Variants in ADNP observed in about 807,000 individuals in gnomAD.
ADNP encodes activity-dependent neuroprotector homeobox protein.
Under a neutral mutation model 84.9 loss-of-function variants are expected in ADNP, and 4 were observed. The ratio of observed to expected loss-of-function variants is 0.05; its 90% CI spans 0.02 to 0.11. ADNP has a LOEUF of 0.11. ADNP is among the 10% of genes least tolerant of loss of function. ADNP has a pLI of 1.00. For missense variants in ADNP, 1,132 were observed against 1,326.0 expected (o/e 0.85, Z 2.27); for synonymous variants, 554 against 468.1 (o/e 1.18, Z -2.37).
In ADNP at chr20:50,906,572, C is replaced by T. The variant is rs182427182; in HGVS notation, c.-89-1723G>A. Among the ~76,000 whole-genome samples, 25 of 152,322 alleles carry T rather than the reference C, an allele frequency of 1.6e-4. No homozygotes were observed. The East Asian group carries it at 4.6e-3, about 28-fold the overall frequency. ...ACATAAAGATTTGGAAATGCAGCCACCACTGGGGTCATTAGTCTATAGAAA... is the reference window on the plus strand; with the variant it reads ...ACATAAAGATTTGGAAATGCAGCCATCACTGGGGTCATTAGTCTATAGAAA... On this transcript the variant is annotated intron_variant, in intron 2 of 5. Transcript: ENST00000621696.
rs1322996778 is a variant in ADNP at position 50,919,289 on chromosome 20, GTGTATATA to G, written c.-90+9354_-90+9361del. 9.3e-3 allele frequency among the ~76,000 whole-genome samples: 600 copies of G among 64,688 alleles called. 25 individuals are homozygous for G. Among genetic ancestry groups the G allele is most frequent in the African/African-American group, 0.031 (566 of 18,148 alleles). 42.4% of individuals were successfully genotyped at this position (64,688 alleles called of 152,430 possible). A position where few individuals can be genotyped will look rare whatever the true frequency, so the allele number is the denominator to read the frequency against. On this transcript the variant is annotated intron_variant, in intron 2 of 5. Coordinates refer to ENST00000621696, the MANE Select transcript of ADNP (RefSeq NM_001282531.3). ...AGCCTGAAAAAATACATATATTTAAGTGTATATATATATATATATATATATATGTAAAA... is the reference window on the plus strand; with the variant it reads ...AGCCTGAAAAAATACATATATTTAAGTATATATATATATATATATGTAAAA...
chr20:50,925,144 G>A (rs182166410), intron 2 of ADNP, among the ~76,000 whole-genome samples: 1 of 152,090 alleles, frequency 6.6e-6, no homozygotes, highest in Admixed American at 6.6e-5. Context: ...ACAGGACCCA[G>A]GACTAAAAAC....
chr20:50,894,754 G>C (rs991751407), intron 5 of ADNP, among the ~76,000 whole-genome samples: 23 of 152,146 alleles, frequency 1.5e-4, no homozygotes, highest in African/African-American at 5.6e-4. Context: ...AAAATAAGCT[G>C]AGCGTGGTGG....
chr20:50,910,065 C>T (rs966827535), intron 2 of ADNP, among the ~76,000 whole-genome samples: 5 of 152,132 alleles, frequency 3.3e-5, no homozygotes, highest in African/African-American at 1.2e-4. Flanking sequence ...ACCCACTGGG[C>T]AGGCGGACAC....
In ADNP at chr20:50,931,042, G is replaced by GCGT. The variant is rs1195432809; in HGVS notation, c.-484_-482dup. The GCGT allele has an allele frequency of 1.3e-5, 2 of 148,654 alleles. No homozygotes were observed. Among genetic ancestry groups the GCGT allele is most frequent in the African/African-American group, 2.4e-5 (1 of 40,828 alleles). The allele number at this position is 148,654 out of a possible 1,614,324, so 9.2% of individuals were successfully genotyped here. On this transcript the variant is annotated 5_prime_UTR_variant, in exon 1 of 6. Coordinates refer to ENST00000621696, the MANE Select transcript of ADNP (RefSeq NM_001282531.3). ...CGCAGCAGAGCGGCGGGCGGCGGCGGCGTCGTCGAGCGGTGCAGACAAAGG... is the reference window on the plus strand; with the variant it reads ...CGCAGCAGAGCGGCGGGCGGCGGCGGCGTCGTCGTCGAGCGGTGCAGACAAAGG...
intron 5 of ADNP, among the ~76,000 whole-genome samples, chr20:50,899,661 A>C (rs941767191): frequency 6.6e-6 from 1 of 152,090 alleles, no homozygotes; most frequent in African/African-American, 2.4e-5. Flanking sequence ...CATGCGTGTT[A>C]CTGCTCCTGA....
At position 50,890,949 on chromosome 20, in the gene ADNP, T is replaced by G; in HGVS notation, c.*456A>C. 2 of 988,908 alleles carry G rather than the reference T, an allele frequency of 2.0e-6. No individual in the cohort carries two copies. Among genetic ancestry groups the G allele is most frequent in the Non-Finnish European group, 2.4e-6 (2 of 832,548 alleles). The allele number at this position is 988,908 out of a possible 1,614,324, so 61.3% of individuals were successfully genotyped here. ...GAATAGGTCTAAAAGACTGTACAAA[T>G]ATACATTTCAACTATTCAGAATGAA... On this transcript the variant is annotated 3_prime_UTR_variant, in exon 6 of 6. Transcript: ENST00000621696.
intron 2 of ADNP, among the ~76,000 whole-genome samples, chr20:50,921,584 T>TA (rs1716696360): frequency 1.3e-5 from 2 of 152,236 alleles, no homozygotes; most frequent in African/African-American, 4.8e-5. Context: ...CTTATCCTGA[T>TA]ACTTTCCGTA....
intron 2 of ADNP, among the ~76,000 whole-genome samples, chr20:50,922,673 G>A (rs928924372): frequency 4.7e-5 from 7 of 149,454 alleles, no homozygotes; most frequent in South Asian, 2.2e-4. Flanking sequence ...TCTGCCTCCC[G>A]GGTTTGAGCA....
At chr20:50,916,476 A>G (rs116192740) in intron 2 of ADNP, among the ~76,000 whole-genome samples, 31 of 152,278 alleles carry the variant, frequency 2.0e-4, no homozygotes, top group African/African-American at 6.0e-4. Context: ...GTTAACCAGG[A>G]TCAGTTCTTC....
intron 5 of ADNP, among the ~76,000 whole-genome samples, chr20:50,901,321 T>TAAAAAAAAA (rs11470054): frequency 2.2e-5 from 2 of 92,758 alleles, no homozygotes; most frequent in Admixed American, 1.3e-4. Context: ...CTGGGGTATT[T>TAAAAAAAAA]AAAAAAAAAA....
intron 2 of ADNP, chr20:50,913,854 T>C (rs757341505): frequency 1.8e-6 from 1 of 564,748 alleles, no homozygotes; most frequent in East Asian, 3.7e-5. Flanking sequence ...CAGAAGTGCA[T>C]TGCATTGGGC....
Position 50,891,869 on chromosome 20 carries a change from T to C in ADNP, c.2845A>G (p.Met949Val), listed in dbSNP as rs1348793072. ...IHLTEEPTKL[M>V]HNASDSEVDQ... Reference sequence around the variant, plus strand: ...ACCTCACTATCAGATGCATTGTGCATTAGTTTGGTTGGTTCCTCAGTCAAA... The same window carrying C: ...ACCTCACTATCAGATGCATTGTGCACTAGTTTGGTTGGTTCCTCAGTCAAA... The change falls in exon 6 of 6, where the codon ATG becomes GTG. Residue 949 changes from methionine to valine, a missense_variant. Physicochemically the swap from Met to Val is conservative, Grantham distance 21 (BLOSUM62 1). This residue lies in a region of ADNP where 381 missense variants were observed against 319.9 expected (regional missense o/e 1.19). Coordinates refer to ENST00000621696, the MANE Select transcript of ADNP (RefSeq NM_001282531.3). 6.2e-7 allele frequency: 1 copy of C among 1,614,244 alleles called. No homozygotes were observed.
At chr20:50,897,996 A>C (rs1489701363) in intron 5 of ADNP, among the ~76,000 whole-genome samples, 1 of 152,142 alleles carries the variant, frequency 6.6e-6, no homozygotes, top group Non-Finnish European at 1.5e-5. Flanking sequence ...CAAATCACAA[A>C]GGGTTTCAAT....
intron 2 of ADNP, among the ~76,000 whole-genome samples, chr20:50,912,732 TCAC>T (rs1983160638): frequency 6.6e-6 from 1 of 152,202 alleles, no homozygotes; most frequent in Non-Finnish European, 1.5e-5. Context: ...CTGAAAATCT[TCAC>T]CAATTATTAT....
chr20:50,923,243 C>T (rs1461986427), intron 2 of ADNP, among the ~76,000 whole-genome samples: 5 of 152,222 alleles, frequency 3.3e-5, no homozygotes, highest in East Asian at 1.9e-4. Context: ...TGACATAAAA[C>T]GTTATTTTGA....
chr20:50,904,180 T>TATCC (rs1171564648), intron 3 of ADNP, 179 bp from the exon 4 acceptor site: 17 of 586,204 alleles, frequency 2.9e-5, no homozygotes, highest in African/African-American at 2.2e-4. Flanking sequence ...TGGCTTGATA[T>TATCC]ATCCATCCAT....
chr20:50,910,957 G>A (rs16995600), intron 2 of ADNP, among the ~76,000 whole-genome samples: 13,825 of 152,158 alleles, frequency 0.091, 681 homozygotes, highest in Middle Eastern at 0.13. Context: ...CCCAGCCAAC[G>A]TTCAATTCTG....
intron 5 of ADNP, 79 bp from the exon 6 acceptor site, chr20:50,894,591 T>C (rs2122766080): frequency 6.9e-7 from 1 of 1,452,532 alleles, no homozygotes; most frequent in African/African-American, 1.4e-5. Flanking sequence ...CCCCGGATAT[T>C]CTTAATAATG....
Sources: gnomAD v4.1 joint callset for allele counts (sites outside exome capture counted in the v4.1 genomes callset) on GRCh38, gnomAD v4.1.1 for gene constraint, gnomAD v4.1.1 regional missense constraint, MANE v1.5 for transcripts, NCBI Gene and HGNC (gene_info 2026-07-23, HGNC 2026-07-21) for gene names.